THSD7A: variants seen among roughly 807,000 people sequenced by gnomAD.
THSD7A encodes the protein thrombospondin type-1 domain-containing protein 7A.
THSD7A carries 96 observed loss-of-function variants against 231.3 expected under a neutral mutation model. The ratio of observed to expected loss-of-function variants is 0.41; its 90% CI spans 0.35 to 0.49. The LOEUF (loss-of-function observed/expected upper bound fraction) is 0.49, where lower values mean the gene tolerates loss of function less well. THSD7A is among the 20% of genes least tolerant of loss of function. The pLI, the probability that THSD7A is intolerant of heterozygous loss-of-function variation, is 0.05. For missense variants in THSD7A, 2,290 were observed against 2,070.2 expected, an observed-to-expected ratio of 1.11 and a Z score of -2.06; for synonymous variants, 940 against 743.3, an observed-to-expected ratio of 1.26 and a Z score of -4.30.
At chr7:11,548,119 T>G (rs1464195558) in intron 4 of THSD7A, among the ~76,000 whole-genome samples, 1 of 151,870 alleles carries the variant, frequency 6.6e-6, no homozygotes, top group Non-Finnish European at 1.5e-5. Context: ...CTAGCTAGAC[T>G]AATAAAGAAA....
intron 1 of THSD7A, among the ~76,000 whole-genome samples, chr7:11,782,582 C>T (rs1783667992): frequency 6.6e-6 from 1 of 152,192 alleles, no homozygotes; most frequent in African/African-American, 2.4e-5. Context: ...TTTCAAAGTT[C>T]AGTGAACAGT....
At chr7:11,642,003 G>T (rs559645742) in intron 1 of THSD7A, among the ~76,000 whole-genome samples, 29 of 152,228 alleles carry the variant, frequency 1.9e-4, no homozygotes, top group African/African-American at 7.0e-4. Flanking sequence ...ACATTCAATA[G>T]AAAAGGGACC....
Position 11,814,083 on chromosome 7 carries a change from G to A in THSD7A, c.190+17674C>T, listed in dbSNP as rs528925452. Among the ~76,000 whole-genome samples the A allele has an allele frequency of 1.3e-5, 2 of 152,272 alleles. No individual in the cohort carries two copies. The highest frequency in any genetic ancestry group is 1.3e-4 in the Admixed American group (2 of 15,294). On this transcript the variant is annotated intron_variant, in intron 1 of 27. Coordinates refer to ENST00000423059, the MANE Select transcript of THSD7A (RefSeq NM_015204.3). The surrounding 1 kb of genome is among the most constrained non-coding windows in gnomAD (Gnocchi z 5.1). ...AGTTATGATGCCATTCATATGAAAGGTCCAGACTAGGCGAATAGAGAAAAA... is the reference window on the plus strand; with the variant it reads ...AGTTATGATGCCATTCATATGAAAGATCCAGACTAGGCGAATAGAGAAAAA...
chr7:11,808,043 C>A (rs1784441389), intron 1 of THSD7A, among the ~76,000 whole-genome samples: 1 of 152,106 alleles, frequency 6.6e-6, no homozygotes, highest in Non-Finnish European at 1.5e-5. Flanking sequence ...CCTCTCACTG[C>A]ACCACCCATC....
At chr7:11,487,139 C>T (rs756436648) in intron 6 of THSD7A, among the ~76,000 whole-genome samples, 4 of 152,142 alleles carry the variant, frequency 2.6e-5, no homozygotes, top group South Asian at 2.1e-4. Context: ...CACCCCTAAA[C>T]GTTCCCTTGT....
chr7:11,445,683 T>G (rs897809805), intron 13 of THSD7A, among the ~76,000 whole-genome samples: 3 of 152,102 alleles, frequency 2.0e-5, no homozygotes, highest in Non-Finnish European at 2.9e-5. Flanking sequence ...AATCTCAAAC[T>G]GATTCAAATC....
At chr7:11,547,118 A>G (rs41) in intron 4 of THSD7A, among the ~76,000 whole-genome samples, 117,356 of 152,082 alleles carry the variant, frequency 0.77, 46,014 homozygotes, top group African/African-American at 0.9. Context: ...GAAATTCATT[A>G]CCACCAGACC....
chr7:11,568,624 C>CA (rs33930587), intron 4 of THSD7A, among the ~76,000 whole-genome samples: 1,413 of 48,992 alleles, frequency 0.029, 147 homozygotes, highest in Non-Finnish European at 0.041. Flanking sequence ...AACTCCGTCT[C>CA]AAAAAAAAAA....
chr7:11,589,616 C>T (rs1044505731), intron 4 of THSD7A, among the ~76,000 whole-genome samples: 2 of 152,094 alleles, frequency 1.3e-5, no homozygotes, highest in Non-Finnish European at 2.9e-5. Flanking sequence ...TATTTCTATC[C>T]TCACTCTCTT....
At position 11,447,383 on chromosome 7, in the gene THSD7A, G is replaced by A; in HGVS notation, c.2647C>T (p.His883Tyr). The A allele has an allele frequency of 2.5e-6, 4 of 1,604,884 alleles. No homozygotes were observed. Among genetic ancestry groups the A allele is most frequent in the Non-Finnish European group, 3.4e-6 (4 of 1,176,008 alleles). ...RKQDGGQAGI[H>Y]ECLQYAGPVP... ...GGGCCTGCATACTGTAGGCACTCAT[G>A]GATTCCAGCCTGTCCTCCATCTTGC... The change falls in exon 12 of 28, where the codon CAT becomes TAT. Residue 883 changes from histidine (H) to tyrosine (Y), a missense_variant. His to Tyr is a moderately conservative substitution (Grantham distance 83). Transcript: ENST00000423059.
rs73292604 is a variant in THSD7A, at chr7:11,630,834, C to T, written c.1022+5296G>A. On this transcript the variant is annotated intron_variant, in intron 2 of 27. Coordinates refer to ENST00000423059, the MANE Select transcript of THSD7A (RefSeq NM_015204.3). ...CATCCTTGTTCCTTGCTCTTCAATACGCAGATTTGGTTCTTCATTTGAGGA... is the reference window on the plus strand; with the variant it reads ...CATCCTTGTTCCTTGCTCTTCAATATGCAGATTTGGTTCTTCATTTGAGGA... 1.2e-3 allele frequency among the ~76,000 whole-genome samples: 181 copies of T among 152,276 alleles called. 1 individual carries two copies. The highest frequency in any genetic ancestry group is 3.5e-3 in the African/African-American group (144 of 41,564).
intron 4 of THSD7A, among the ~76,000 whole-genome samples, chr7:11,588,730 T>C (rs903660410): frequency 4.6e-5 from 7 of 152,136 alleles, no homozygotes; most frequent in African/African-American, 1.7e-4. Context: ...AAAACTAAAA[T>C]CTGATCTACC....
chr7:11,739,643 C>G (rs1782038562), intron 1 of THSD7A, among the ~76,000 whole-genome samples: 1 of 151,532 alleles, frequency 6.6e-6, no homozygotes, highest in African/African-American at 2.4e-5. Context: ...GTCTTGAACT[C>G]CTGGTCTCAA....
chr7:11,595,868 G>A (rs1780342234), intron 2 of THSD7A, among the ~76,000 whole-genome samples: 2 of 152,338 alleles, frequency 1.3e-5, no homozygotes, highest in South Asian at 2.1e-4. Context: ...CATAGCTATC[G>A]TAATGGACAG....
chr7:11,524,058 A>G (rs1044164091), intron 6 of THSD7A, among the ~76,000 whole-genome samples: 5 of 152,072 alleles, frequency 3.3e-5, no homozygotes, highest in Non-Finnish European at 5.9e-5. Context: ...GGTTCTTTTT[A>G]TTTATTTTAG....
intron 11 of THSD7A, among the ~76,000 whole-genome samples, chr7:11,450,377 CT>C (rs1785106270): frequency 1.3e-5 from 2 of 151,852 alleles, no homozygotes; most frequent in African/African-American, 4.8e-5. Flanking sequence ...CACTTTACAC[CT>C]CTTATCTGAG....
chr7:11,382,450 T>C (rs1782554790), intron 24 of THSD7A, 71 bp downstream of exon 24: 1 of 1,262,120 alleles, frequency 7.9e-7, no homozygotes, highest in Non-Finnish European at 1.1e-6. Flanking sequence ...TTTCCTTAAT[T>C]ATTTTCTTCA....
chr7:11,539,583 C>T (rs964246571), intron 6 of THSD7A, among the ~76,000 whole-genome samples: 4 of 152,166 alleles, frequency 2.6e-5, no homozygotes, highest in Non-Finnish European at 5.9e-5. Context: ...CATACCTCTG[C>T]TTGTTTTTTA....
chr7:11,672,107 T>C (rs1170153852), intron 1 of THSD7A, among the ~76,000 whole-genome samples: 1 of 152,148 alleles, frequency 6.6e-6, no homozygotes, highest in Non-Finnish European at 1.5e-5. Flanking sequence ...CCAAAACTTC[T>C]GGCATAGTTG....
Sources: allele counts gnomAD v4.1 joint callset (sites outside exome capture counted in the v4.1 genomes callset), GRCh38; gene constraint gnomAD v4.1.1; non-coding constraint Gnocchi (gnomAD v3.1); transcripts MANE v1.5; gene names NCBI Gene and HGNC (gene_info 2026-07-23, HGNC 2026-07-21).